Variants in STK3 observed in about 807,000 individuals in gnomAD.
STK3 encodes the protein serine/threonine-protein kinase 3.
A neutral mutation model predicts 58.0 loss-of-function variants in STK3; 41 were observed. The ratio of observed to expected loss-of-function variants is 0.71; its 90% CI spans 0.55 to 0.92. The LOEUF (loss-of-function observed/expected upper bound fraction) is 0.92, where lower values mean the gene tolerates loss of function less well. STK3 is among the 40% of genes least tolerant of loss of function. The pLI, the probability that STK3 is intolerant of heterozygous loss-of-function variation, is 0.00. For missense variants in STK3, 479 were observed against 602.7 expected (o/e 0.79, Z 2.15); for synonymous variants, 170 against 191.0 (o/e 0.89, Z 0.91).
At chr8:98,564,123 A>G (rs1473415047) in intron 8 of STK3, among the ~76,000 whole-genome samples, 1 of 152,100 alleles carries the variant, frequency 6.6e-6, no homozygotes, top group African/African-American at 2.4e-5. Flanking sequence ...ATGTGATGAG[A>G]CTTATATTTA....
chr8:98,395,843 T>C (rs1297060367), intron 3 of STK3, among the ~76,000 whole-genome samples: 1 of 152,192 alleles, frequency 6.6e-6, no homozygotes, highest in Non-Finnish European at 1.5e-5. Flanking sequence ...GTTGCAAATA[T>C]GCATGGAAAA....
intron 1 of STK3, among the ~76,000 whole-genome samples, chr8:98,916,343 C>T (rs544484410): frequency 8.5e-5 from 13 of 152,182 alleles, no homozygotes; most frequent in South Asian, 2.1e-4. Flanking sequence ...GAACCCAGGA[C>T]GCGGAGGTTG....
At chr8:98,440,373 T>C (rs1818645822) in intron 1 of STK3, among the ~76,000 whole-genome samples, 1 of 152,178 alleles carries the variant, frequency 6.6e-6, no homozygotes, top group Non-Finnish European at 1.5e-5. Context: ...TAGCAGAAAA[T>C]TTACTATTTT....
chr8:98,886,628 AC>A (rs1394298312), intron 1 of STK3, among the ~76,000 whole-genome samples: 2 of 152,370 alleles, frequency 1.3e-5, no homozygotes, highest in Non-Finnish European at 2.9e-5. Context: ...TCGTTATACT[AC>A]TTTTATAATG....
chr8:98,743,083 A>T (rs1185282018), intron 4 of STK3, among the ~76,000 whole-genome samples: 1 of 152,108 alleles, frequency 6.6e-6, no homozygotes, highest in African/African-American at 2.4e-5. Context: ...ATAAAAGAGG[A>T]TACAAAGAAA....
At chr8:98,477,266 T>C (rs181109947) in intron 10 of STK3, among the ~76,000 whole-genome samples, 4 of 151,954 alleles carry the variant, frequency 2.6e-5, no homozygotes, top group African/African-American at 9.7e-5. Flanking sequence ...CTTCATTTCC[T>C]TACAAAGGCT....
At chr8:98,466,924 T>C (rs1408099051) in intron 10 of STK3, among the ~76,000 whole-genome samples, 6 of 152,158 alleles carry the variant, frequency 3.9e-5, no homozygotes, top group Non-Finnish European at 7.3e-5. Flanking sequence ...CCAAGGAAGG[T>C]AAGGGTCACT....
intron 3 of STK3, among the ~76,000 whole-genome samples, chr8:98,763,640 T>G (rs751645921): frequency 6.6e-6 from 1 of 152,146 alleles, no homozygotes; most frequent in Non-Finnish European, 1.5e-5. Flanking sequence ...AAATCTAAGT[T>G]TCTCCCTGTC....
chr8:98,548,155 C>T lies in STK3; in HGVS notation c.955G>A (p.Asp319Asn). 1 of 1,535,252 alleles carries T rather than the reference C, an allele frequency of 6.5e-7. No individual in the cohort carries two copies. The highest frequency in any genetic ancestry group is 8.8e-7 in the Non-Finnish European group (1 of 1,141,932). ...LEEEEENSDE[D>N]ELDSHTMVKT... The stretch of plus-strand genomic sequence containing the variant: ...ACCATGGTGTGGGAATCCAGCTCAT[C>T]TTCATCCTGCAAGCAAAATACTGCA... The change falls in exon 9 of 11, where the codon GAT becomes AAT. Residue 319 changes from aspartate (D) to asparagine (N), a missense_variant. By Grantham distance (23) the Asp-to-Asn change is conservative. Around this residue, in one of 3 missense-constraint regions of STK3, gnomAD observed 309 missense variants for 355.7 expected, o/e 0.87. Transcript: ENST00000419617.
intron 6 of STK3, among the ~76,000 whole-genome samples, chr8:98,693,599 T>C (rs1824585926): frequency 6.6e-6 from 1 of 152,264 alleles, no homozygotes; most frequent in African/African-American, 2.4e-5. Context: ...TTCAGACTTC[T>C]GGTTTCCCAG....
At chr8:98,569,483 TA>T (rs1293730055) in intron 8 of STK3, among the ~76,000 whole-genome samples, 138 of 133,704 alleles carry the variant, frequency 1.0e-3, no homozygotes, top group Admixed American at 1.1e-3. Context: ...GATGAATCAA[TA>T]AAAAAAAAAA....
chr8:98,430,984 C>T (rs1586558737), intron 3 of STK3: 1 of 167,086 alleles, frequency 6.0e-6, no homozygotes, highest in East Asian at 1.9e-4. Flanking sequence ...TCTTCTCCAT[C>T]ATCTTTAAGG....
At position 98,907,133 on chromosome 8, in the gene STK3, G is replaced by C. The variant is rs147880073; in HGVS notation, c.-78-23299C>G. Among the ~76,000 whole-genome samples, 767 of 152,204 alleles carry C rather than the reference G, an allele frequency of 5.0e-3. 2 individuals carry two copies. The highest frequency in any genetic ancestry group is 7.8e-3 in the Non-Finnish European group (534 of 68,028). The stretch of plus-strand genomic sequence containing the variant: ...TGATTGTGCCACTGCACTCCAGCCT[G>C]GGCGACAGAGCAAGATTCTGTCTCA... On this transcript the variant is annotated intron_variant, in intron 1 of 1. Coordinates refer to the STK3 transcript ENST00000519420.
At chr8:98,694,920 C>T (rs190225458) in intron 6 of STK3, among the ~76,000 whole-genome samples, 4 of 152,182 alleles carry the variant, frequency 2.6e-5, no homozygotes, top group East Asian at 3.9e-4. Flanking sequence ...CCTGAAGAAT[C>T]GCCACACTGA....
At chr8:98,928,783 A>G (rs376272588) in intron 1 of STK3, among the ~76,000 whole-genome samples, 3 of 152,232 alleles carry the variant, frequency 2.0e-5, no homozygotes, top group African/African-American at 7.2e-5. Flanking sequence ...AGGAAGCACA[A>G]ATTCCTCACT....
At position 98,808,475 on chromosome 8, in the gene STK3, G is replaced by C. The variant is rs1346822719; in HGVS notation, c.26+17040C>G. 2.0e-5 allele frequency among the ~76,000 whole-genome samples: 3 copies of C among 152,200 alleles called. No homozygotes were observed. In the East Asian group the frequency reaches 5.8e-4, roughly 29 times the overall value. On this transcript the variant is annotated intron_variant, in intron 1 of 10. Coordinates refer to ENST00000419617, the MANE Select transcript of STK3 (RefSeq NM_006281.4). ...AACTTCTGCTAAGGATGTCTCTTCA[G>C]TTTTGAAGAGACTCAGGAAAAGTTC...
chr8:98,712,344 G>A (rs1406323586), intron 4 of STK3, among the ~76,000 whole-genome samples: 1 of 152,150 alleles, frequency 6.6e-6, no homozygotes, highest in Non-Finnish European at 1.5e-5. Context: ...TGGCAAAATT[G>A]GATACAGAGT....
chr8:98,756,560 G>T (rs1387930551), intron 3 of STK3, among the ~76,000 whole-genome samples: 1 of 152,196 alleles, frequency 6.6e-6, no homozygotes, highest in African/African-American at 2.4e-5. Flanking sequence ...AAGTTTCTGT[G>T]GTTGCTGAAT....
chr8:98,368,824 C>T (rs562225570), downstream of STK3, among the ~76,000 whole-genome samples: 9 of 152,162 alleles, frequency 5.9e-5, no homozygotes, highest in African/African-American at 9.7e-5. Context: ...GGTGACCTTA[C>T]GTAGGCCTTC....
Sources: gnomAD v4.1 joint callset for allele counts (sites outside exome capture counted in the v4.1 genomes callset) on GRCh38, gnomAD v4.1.1 for gene constraint, gnomAD v4.1.1 regional missense constraint, MANE v1.5 for transcripts, NCBI Gene and HGNC (gene_info 2026-07-23, HGNC 2026-07-21) for gene names.